STARD13: variants seen among roughly 807,000 people sequenced by gnomAD.
The protein encoded by STARD13 is StAR related lipid transfer domain containing 13, also known as stAR-related lipid transfer protein 13.
STARD13 carries 62 observed loss-of-function variants against 106.4 expected under a neutral mutation model. The ratio of observed to expected loss-of-function variants is 0.58; its 90% CI spans 0.48 to 0.72. STARD13 has a LOEUF of 0.72. Among genes scored for constraint, STARD13 ranks in the 30% least tolerant of loss-of-function variants. The pLI, the probability that STARD13 is intolerant of heterozygous loss-of-function variation, is 0.00. For missense variants in STARD13, 1,387 were observed against 1,424.0 expected (o/e 0.97, Z 0.42); for synonymous variants, 565 against 553.0 (o/e 1.02, Z -0.31).
At chr13:33,331,526 ATTT>A (rs35827468) in intron 1 of STARD13, among the ~76,000 whole-genome samples, 36 of 130,776 alleles carry the variant, frequency 2.8e-4, no homozygotes, top group Admixed American at 3.9e-4. Context: ...CTGATTTTGT[ATTT>A]TTTTTTTTTT....
At chr13:33,295,393 C>T (rs1249728304) in intron 1 of STARD13, among the ~76,000 whole-genome samples, 2 of 152,166 alleles carry the variant, frequency 1.3e-5, no homozygotes, top group Admixed American at 6.5e-5. Context: ...GGGGAGGCTC[C>T]TCTTTTGAGT....
intron 1 of STARD13, among the ~76,000 whole-genome samples, chr13:33,209,229 A>G (rs1394579679): frequency 6.6e-6 from 1 of 152,186 alleles, no homozygotes; most frequent in Admixed American, 6.5e-5. Context: ...ACGCAAATGT[A>G]TATGGTGTCT....
At chr13:33,541,812 G>A in the STARD13 span, among the ~76,000 whole-genome samples, 4 of 152,290 alleles carry the variant, frequency 2.6e-5, no homozygotes, top group African/African-American at 9.6e-5. Context: ...TAAACGGAGC[G>A]GATGCAGATT....
the STARD13 span, among the ~76,000 whole-genome samples, chr13:33,531,348 C>T: frequency 2.7e-3 from 411 of 152,234 alleles, 1 homozygote; most frequent in African/African-American, 9.3e-3. Context: ...AAAAAAGTAT[C>T]GTTATGAACC....
chr13:33,552,437 G>A, the STARD13 span, among the ~76,000 whole-genome samples: 6 of 152,106 alleles, frequency 3.9e-5, no homozygotes, highest in Non-Finnish European at 8.8e-5. Context: ...CATAAAGTAC[G>A]TTCTTTGACT....
the STARD13 span, among the ~76,000 whole-genome samples, chr13:33,602,927 G>A: frequency 2.6e-5 from 4 of 152,132 alleles, no homozygotes; most frequent in Non-Finnish European, 5.9e-5. Flanking sequence ...CACGAAACTA[G>A]GCCCTGTTGC....
the STARD13 span, among the ~76,000 whole-genome samples, chr13:33,413,746 A>G: frequency 6.6e-5 from 10 of 152,186 alleles, no homozygotes; most frequent in Non-Finnish European, 1.5e-4. Context: ...AAATAAGCAC[A>G]TGAGGCCAGG....
At chr13:33,543,600 G>T in the STARD13 span, among the ~76,000 whole-genome samples, 8 of 152,130 alleles carry the variant, frequency 5.3e-5, no homozygotes, top group African/African-American at 1.9e-4. Context: ...AGTTTAGATA[G>T]CACATGTTAA....
chr13:33,367,629 G>C, the STARD13 span, among the ~76,000 whole-genome samples: 1 of 151,884 alleles, frequency 6.6e-6, no homozygotes, highest in African/African-American at 2.4e-5. Flanking sequence ...GTGTCTCAGT[G>C]ATAGATTTGC....
chr13:33,106,826 C>A lies in STARD13; in HGVS notation c.3156G>T (p.Ser1052=). The change falls in exon 13 of 14, where the codon TCG becomes TCT. Residue 1052 remains serine, a synonymous_variant. Coordinates refer to ENST00000336934, the MANE Select transcript of STARD13 (RefSeq NM_178006.4). The part of the protein sequence containing the change: ...LGGVRAVVMD[S]QYLIEPCGSG... Reference sequence around the variant, plus strand: ...AGCCACACGGTTCTATCAAGTACTGCGAGTCCATCACCACTGCTCGCACAC... The same window carrying A: ...AGCCACACGGTTCTATCAAGTACTGAGAGTCCATCACCACTGCTCGCACAC... The A allele has an allele frequency of 3.1e-6, 5 of 1,614,116 alleles. No homozygotes were observed. The highest frequency in any genetic ancestry group is 4.2e-6 in the Non-Finnish European group (5 of 1,180,002).
intron 1 of STARD13, chr13:33,185,813 G>T: frequency 6.5e-7 from 1 of 1,546,214 alleles, no homozygotes; most frequent in Non-Finnish European, 8.9e-7. Flanking sequence ...GCCATGCAAG[G>T]CTAAGTAACA....
intron 1 of STARD13, chr13:33,277,583 G>A (rs1188776838): frequency 6.6e-6 from 1 of 152,118 alleles, no homozygotes; most frequent in Admixed American, 6.6e-5. Context: ...AGAGTTTCTT[G>A]CTTCTTTCCT....
At chr13:33,132,958 C>A (rs564422840) in intron 4 of STARD13, among the ~76,000 whole-genome samples, 1 of 151,884 alleles carries the variant, frequency 6.6e-6, no homozygotes, top group Non-Finnish European at 1.5e-5. Context: ...ATAGGCTGAA[C>A]GTTGAACTTA....
chr13:33,359,855 A>C, the STARD13 span, among the ~76,000 whole-genome samples: 1 of 152,198 alleles, frequency 6.6e-6, no homozygotes, highest in South Asian at 2.1e-4. Context: ...ATCAGCAATG[A>C]GATTAAACCT....
At chr13:33,353,597 T>C (rs1364599505), upstream of STARD13, among the ~76,000 whole-genome samples, 2 of 152,234 alleles carry the variant, frequency 1.3e-5, no homozygotes, top group Admixed American at 1.3e-4. Flanking sequence ...CTCTCAGTAG[T>C]ACCTCCCTAG....
intron 1 of STARD13, among the ~76,000 whole-genome samples, chr13:33,349,560 GA>G (rs1408824521): frequency 2.6e-5 from 4 of 152,240 alleles, no homozygotes; most frequent in Non-Finnish European, 5.9e-5. Context: ...AGGTACTAAG[GA>G]GGGGGCGGCC....
rs985186760 is a variant in STARD13 at position 33,191,550 on chromosome 13, T to C, written c.170-23928A>G. 2.6e-5 allele frequency among the ~76,000 whole-genome samples: 4 copies of C among 152,206 alleles called. No individual in the cohort carries two copies. The East Asian group carries it at 5.8e-4, about 22-fold the overall frequency. ...TGCCGATGTCCTGGCTATGTGATTATAGACAAAAGCCACACCCAGGCTAAC... is the reference window on the plus strand; with the variant it reads ...TGCCGATGTCCTGGCTATGTGATTACAGACAAAAGCCACACCCAGGCTAAC... On this transcript the variant is annotated intron_variant, in intron 1 of 13. Transcript: ENST00000336934.
At chr13:33,404,632 G>A in the STARD13 span, among the ~76,000 whole-genome samples, 1,290 of 152,196 alleles carry the variant, frequency 8.5e-3, 9 homozygotes, top group Middle Eastern at 0.044. Flanking sequence ...ACCACATGTG[G>A]GCATTGAATT....
At chr13:33,273,591 T>C (rs1454308598) in intron 1 of STARD13, among the ~76,000 whole-genome samples, 2 of 152,204 alleles carry the variant, frequency 1.3e-5, no homozygotes, top group African/African-American at 4.8e-5. Context: ...ATCAGATTTG[T>C]AGGCAGTCTT....
Sources: gnomAD v4.1 joint callset for allele counts (sites outside exome capture counted in the v4.1 genomes callset) on GRCh38, gnomAD v4.1.1 for gene constraint, MANE v1.5 for transcripts, NCBI Gene and HGNC (gene_info 2026-07-23, HGNC 2026-07-21) for gene names.